The following SRPK1 variants were observed in gnomAD, a reference collection of about 807,000 sequenced individuals.
SRPK1 encodes SFRS protein kinase 1.
Under a neutral mutation model 89.5 loss-of-function variants are expected in SRPK1, and 52 were observed. The observed-to-expected ratio is 0.58, with a 90% CI of 0.46 to 0.73. The LOEUF (loss-of-function observed/expected upper bound fraction) is 0.73. SRPK1 is among the 30% of genes least tolerant of loss of function. The probability of loss-of-function intolerance (pLI) is 0.00; values close to 1 mark genes in which losing one functional copy is unlikely to be tolerated. For synonymous variants in SRPK1, 255 were observed against 270.2 expected (o/e 0.94, Z 0.55); for missense variants, 603 against 780.6 (o/e 0.77, Z 2.71).
At position 35,875,254 on chromosome 6, in the gene SRPK1, CT is replaced by C. The variant is rs753490683; in HGVS notation, c.479-916del. ...ATGTCACCAGCCAACATGGAGACTTCTTTTTTTTTTTTTTTTTTGAGACAGA... is the reference window on the plus strand; with the variant it reads ...ATGTCACCAGCCAACATGGAGACTTCTTTTTTTTTTTTTTTTTGAGACAGA... On this transcript the variant is annotated intron_variant, in intron 6 of 15. Coordinates refer to ENST00000373825, the MANE Select transcript of SRPK1 (RefSeq NM_003137.5). Among the ~76,000 whole-genome samples, 599 of 136,922 alleles carry C rather than the reference CT, an allele frequency of 4.4e-3. 3 individuals are homozygous for C. Among genetic ancestry groups the C allele is most frequent in the African/African-American group, 0.01 (385 of 37,648 alleles). 89.8% of individuals were successfully genotyped at this position (136,922 alleles called of 152,430 possible). A position where few individuals can be genotyped will look rare whatever the true frequency, so the allele number is the denominator to read the frequency against.
intron 13 of SRPK1, among the ~76,000 whole-genome samples, chr6:35,856,651 T>C (rs1212250896): frequency 6.6e-6 from 1 of 152,054 alleles, no homozygotes; most frequent in African/African-American, 2.4e-5. Flanking sequence ...GAGAAACAAG[T>C]AAACAAACAC....
rs1029012397 is a variant in SRPK1 at position 35,834,535 on chromosome 6, A to G, written c.*769T>C. 4 of 152,196 alleles carry G rather than the reference A, an allele frequency of 2.6e-5. No homozygotes were observed. The highest frequency in any genetic ancestry group is 9.6e-5 in the African/African-American group (4 of 41,456). 9.4% of individuals were successfully genotyped at this position (152,196 alleles called of 1,614,324 possible). A position where few individuals can be genotyped will look rare whatever the true frequency, so the allele number is the denominator to read the frequency against. The stretch of plus-strand genomic sequence containing the variant: ...AAATAAAACAAAACAACCAACCAAA[A>G]TAACTCTGGTCTTAGGGTAATAGAA... On this transcript the variant is annotated 3_prime_UTR_variant, in exon 16 of 16. Transcript: ENST00000373825.
Position 35,857,323 on chromosome 6 carries a change from A to G in SRPK1, c.1558T>C (p.Leu520=). 1 of 1,613,316 alleles carries G rather than the reference A, an allele frequency of 6.2e-7. No homozygotes were observed. Among genetic ancestry groups the G allele is most frequent in the Non-Finnish European group, 8.5e-7 (1 of 1,179,668 alleles). The change falls in exon 13 of 16, where the codon TTG becomes CTG. Residue 520 remains leucine, a synonymous_variant. Coordinates refer to ENST00000373825, the MANE Select transcript of SRPK1 (RefSeq NM_003137.5). ...TAGCCAGATCCGATTAGAACTTCCA[A>G]GGAACGATATTGCCTTGTTTGAATA... ...EDIQTRQYRS[L]EVLIGSGYNT...
Position 35,921,047 on chromosome 6 carries a change from T to G in SRPK1, c.10A>C (p.Lys4Gln), listed in dbSNP as rs1166937019. The change falls in exon 1 of 16, where the codon AAA becomes CAA. Residue 4 changes from lysine to glutamine, a missense_variant. Physicochemically the swap from Lys to Gln is moderately conservative, Grantham distance 53. Transcript: ENST00000373825. The stretch of plus-strand genomic sequence containing the variant: ...CGGAGGCCGCTCCACCGCTCACCTT[T>G]CCGCTCCATGGTGAGACCGGTAATC... MER[K>Q]VLALQARKKR... is the part of the protein sequence containing the mutation. The G allele has an allele frequency of 8.4e-6, 13 of 1,545,974 alleles. No homozygotes were observed. Among genetic ancestry groups the G allele is most frequent in the Non-Finnish European group, 1.0e-5 (12 of 1,148,654 alleles).
chr6:35,899,865 G>A (rs898859473), intron 2 of SRPK1, among the ~76,000 whole-genome samples: 2 of 151,976 alleles, frequency 1.3e-5, no homozygotes, highest in African/African-American at 4.8e-5. Context: ...GCTGGGCATG[G>A]TAGCGGGCAC....
intron 6 of SRPK1, among the ~76,000 whole-genome samples, chr6:35,882,158 T>C (rs56081043): frequency 0.012 from 1,442 of 116,230 alleles, 14 homozygotes; most frequent in South Asian, 0.026. Flanking sequence ...GTAGTAGTAG[T>C]AGTAGCAGCA....
At chr6:35,919,021 A>G (rs1771171525) in intron 2 of SRPK1, among the ~76,000 whole-genome samples, 1 of 152,240 alleles carries the variant, frequency 6.6e-6, no homozygotes, top group Non-Finnish European at 1.5e-5. Context: ...GTTTTAACAC[A>G]TTCTCATCAA....
chr6:35,886,757 C>T lies in SRPK1; in HGVS notation c.445G>A (p.Asp149Asn). 1 of 1,610,234 alleles carries T rather than the reference C, an allele frequency of 6.2e-7. No homozygotes were observed. The highest frequency in any genetic ancestry group is 8.5e-7 in the Non-Finnish European group (1 of 1,176,752). The change falls in exon 6 of 16, where the codon GAT becomes AAT. Residue 149 changes from aspartate (D) to asparagine (N), a missense_variant. Coordinates refer to ENST00000373825, the MANE Select transcript of SRPK1 (RefSeq NM_003137.5). ...PNREMVVQLLDDFKISGVNGT... is the reference protein window; with the variant it reads ...PNREMVVQLLNDFKISGVNGT... ...TTAACTCCTGATATTTTAAAGTCAT[C>T]TAGTAGTTGAACAACCATTTCTCTA...
chr6:35,887,980 TTATTTA>T, intron 5 of SRPK1, 38 bp downstream of exon 5: 1 of 1,368,596 alleles, frequency 7.3e-7, no homozygotes, highest in Non-Finnish European at 9.8e-7. Context: ...GAAACTTGAT[TTATTTA>T]TAATTCTTCA....
intron 12 of SRPK1, among the ~76,000 whole-genome samples, chr6:35,860,422 G>A (rs1262290872): frequency 3.9e-5 from 6 of 152,120 alleles, no homozygotes; most frequent in African/African-American, 4.8e-5. Context: ...AGACTCCACC[G>A]GAATAAAGTG....
intron 13 of SRPK1, among the ~76,000 whole-genome samples, chr6:35,852,302 A>G (rs1428063024): frequency 6.6e-6 from 1 of 152,154 alleles, no homozygotes; most frequent in Admixed American, 6.5e-5. Context: ...TTCTGCACAT[A>G]CCAACTGCAG....
intron 2 of SRPK1, among the ~76,000 whole-genome samples, chr6:35,902,677 C>T (rs368912543): frequency 2.8e-4 from 42 of 152,200 alleles, no homozygotes; most frequent in African/African-American, 9.9e-4. Flanking sequence ...GGCTGAAATC[C>T]GGGACTGTGT....
rs567569349 is a variant in SRPK1 at position 35,860,296 on chromosome 6, G to A, written c.1513-2928C>T. ...CTTTAAGAGGTGACTGGGTCATGAG[G>A]GGGTCTGCCTTCATGAATGGATTAA... On this transcript the variant is annotated intron_variant, in intron 12 of 15. Coordinates refer to ENST00000373825, the MANE Select transcript of SRPK1 (RefSeq NM_003137.5). 5.9e-5 allele frequency among the ~76,000 whole-genome samples: 9 copies of A among 152,284 alleles called. No homozygotes were observed. The South Asian group carries it at 6.2e-4, about 11-fold the overall frequency.
At chr6:35,874,140 T>A (rs1770104206) in intron 7 of SRPK1, 93 bp downstream of exon 7, 1 of 1,128,036 alleles carries the variant, frequency 8.9e-7, no homozygotes, top group African/African-American at 1.6e-5. Flanking sequence ...AAACAAAAAT[T>A]CTATTGGAAA....
intron 2 of SRPK1, among the ~76,000 whole-genome samples, chr6:35,917,414 A>T (rs1301018089): frequency 1.3e-5 from 2 of 152,240 alleles, no homozygotes; most frequent in Non-Finnish European, 2.9e-5. Context: ...TAGGGGAGTA[A>T]TCTGACAAAC....
intron 13 of SRPK1, among the ~76,000 whole-genome samples, chr6:35,854,989 C>A (rs539229418): frequency 4.1e-4 from 62 of 152,220 alleles, no homozygotes; most frequent in African/African-American, 1.5e-3. Flanking sequence ...TTACTTCAGA[C>A]AGTTCACCAG....
intron 2 of SRPK1, among the ~76,000 whole-genome samples, chr6:35,907,414 G>A (rs1770871184): frequency 6.6e-6 from 1 of 152,086 alleles, no homozygotes; most frequent in African/African-American, 2.4e-5. Context: ...TTTAAAATAA[G>A]ATGGAGTGAG....
intron 6 of SRPK1, among the ~76,000 whole-genome samples, chr6:35,880,751 G>GAAAGAAAGAAAAAAAAA (rs1561983739): frequency 5.0e-5 from 2 of 40,030 alleles, no homozygotes; most frequent in Non-Finnish European, 4.5e-5. Context: ...AAAAAAAAAA[G>GAAAGAAAGAAAAAAAAA]AAAAGAAAAG....
chr6:35,872,246 C>T (rs987957194), intron 8 of SRPK1, among the ~76,000 whole-genome samples: 1 of 152,226 alleles, frequency 6.6e-6, no homozygotes, highest in Non-Finnish European at 1.5e-5. Context: ...TGTCCCTCTA[C>T]AGACTACCAG....
Sources: gnomAD v4.1 joint callset for allele counts (sites outside exome capture counted in the v4.1 genomes callset) on GRCh38, gnomAD v4.1.1 for gene constraint, MANE v1.5 for transcripts, NCBI Gene and HGNC (gene_info 2026-07-23, HGNC 2026-07-21) for gene names.